KIF26B: variants seen among roughly 807,000 people sequenced by gnomAD.
The protein encoded by KIF26B is kinesin family member 26B.
A neutral mutation model predicts 151.2 loss-of-function variants in KIF26B; 63 were observed. The ratio of observed to expected loss-of-function variants is 0.42; its 90% CI spans 0.34 to 0.51. KIF26B has a LOEUF of 0.51. Among genes scored for constraint, KIF26B ranks in the 20% least tolerant of loss-of-function variants. KIF26B has a pLI of 0.07. For missense variants in KIF26B, 2,813 were observed against 2,913.6 expected, an observed-to-expected ratio of 0.97 and a Z score of 0.79; for synonymous variants, 1,357 against 1,262.1, an observed-to-expected ratio of 1.08 and a Z score of -1.59.
intron 10 of KIF26B, among the ~76,000 whole-genome samples, chr1:245,665,559 AT>A (rs2147936896): frequency 6.6e-6 from 1 of 152,334 alleles, no homozygotes; most frequent in African/African-American, 2.4e-5. Context: ...CTCTCAGTTT[AT>A]GTAAATTTTA....
chr1:245,412,390 C>T (rs986142395), intron 3 of KIF26B, among the ~76,000 whole-genome samples: 5 of 152,168 alleles, frequency 3.3e-5, no homozygotes, highest in Non-Finnish European at 7.3e-5. Flanking sequence ...GAAGCAATTG[C>T]TCTCCGTAGA....
chr1:245,156,241 G>A (rs1558327373), intron 1 of KIF26B, 41 bp from the exon 2 acceptor site: 2 of 1,534,020 alleles, frequency 1.3e-6, no homozygotes, highest in Non-Finnish European at 1.8e-6. Context: ...GCTGCAGCCC[G>A]CCGCCTTGCA....
intron 2 of KIF26B, among the ~76,000 whole-genome samples, chr1:245,179,204 C>T (rs572906042): frequency 2.6e-5 from 4 of 152,270 alleles, no homozygotes; most frequent in Admixed American, 1.3e-4. Flanking sequence ...TGAAATTCTC[C>T]AGAGAATGCT....
At position 245,670,228 on chromosome 1, in the gene KIF26B, G is replaced by A. The variant is rs569611019; in HGVS notation, c.2259-14005G>A. 2.3e-4 allele frequency among the ~76,000 whole-genome samples: 32 copies of A among 137,008 alleles called. No individual in the cohort carries two copies. The East Asian group carries it at 5.5e-3, about 24-fold the overall frequency. 89.9% of individuals were successfully genotyped at this position (137,008 alleles called of 152,430 possible). A position where few individuals can be genotyped will look rare whatever the true frequency, so the allele number is the denominator to read the frequency against. ...AAAAAAGGCTGAATAATATTCCATC[G>A]TATGCGTGTGTATATCCATATATAT... On this transcript the variant is annotated intron_variant, in intron 10 of 14. Coordinates refer to ENST00000407071, the MANE Select transcript of KIF26B (RefSeq NM_018012.4).
At chr1:245,372,235 T>A (rs1272324812) in intron 3 of KIF26B, among the ~76,000 whole-genome samples, 1 of 152,186 alleles carries the variant, frequency 6.6e-6, no homozygotes, top group Non-Finnish European at 1.5e-5. Flanking sequence ...ATGCTCCTTA[T>A]GAGAATCTAA....
Position 245,703,625 on chromosome 1 carries a change from A to G in KIF26B, c.*1019A>G, listed in dbSNP as rs977201758. ...TTTTTATTCCAAAAAGTCTTGAACG[A>G]AAGCTGGAACCAATTCACCAGAGCC... On this transcript the variant is annotated 3_prime_UTR_variant, in exon 15 of 15. Coordinates refer to ENST00000407071, the MANE Select transcript of KIF26B (RefSeq NM_018012.4). 4 of 152,216 alleles carry G rather than the reference A, an allele frequency of 2.6e-5. No homozygotes were observed. The highest frequency in any genetic ancestry group is 9.6e-5 in the African/African-American group (4 of 41,454). The allele number at this position is 152,216 out of a possible 1,614,324, so 9.4% of individuals were successfully genotyped here.
chr1:245,343,098 A>AAG (rs948098305), intron 2 of KIF26B, among the ~76,000 whole-genome samples: 1 of 151,726 alleles, frequency 6.6e-6, no homozygotes, highest in African/African-American at 2.4e-5. Flanking sequence ...AAAAAAAAAA[A>AAG]AAGAATTTAG....
chr1:245,246,800 A>G (rs12023344), intron 2 of KIF26B, among the ~76,000 whole-genome samples: 18,859 of 151,932 alleles, frequency 0.12, 1,333 homozygotes, highest in East Asian at 0.17. Flanking sequence ...AGAGCTGTGT[A>G]CTGGGTTCTT....
chr1:245,294,181 A>T (rs1434587832), intron 2 of KIF26B, among the ~76,000 whole-genome samples: 1 of 152,154 alleles, frequency 6.6e-6, no homozygotes, highest in Non-Finnish European at 1.5e-5. Context: ...TAGAAATGGA[A>T]GGTGGCACAG....
chr1:245,325,129 A>G (rs546403534), intron 2 of KIF26B, among the ~76,000 whole-genome samples: 67 of 152,044 alleles, frequency 4.4e-4, no homozygotes, highest in Middle Eastern at 3.4e-3. Context: ...AGAAAAAAGA[A>G]AGAAAATGAT....
chr1:245,395,821 G>A (rs1673822708), intron 3 of KIF26B, among the ~76,000 whole-genome samples: 1 of 152,132 alleles, frequency 6.6e-6, no homozygotes, highest in Non-Finnish European at 1.5e-5. Context: ...ATAGGCAAAG[G>A]GCAAAATTTG....
At chr1:245,260,017 G>A (rs1377908302) in intron 2 of KIF26B, among the ~76,000 whole-genome samples, 1 of 152,010 alleles carries the variant, frequency 6.6e-6, no homozygotes, top group Non-Finnish European at 1.5e-5. Flanking sequence ...TAGCATAGTG[G>A]GACAGGATGC....
In KIF26B at chr1:245,686,849, G is replaced by A. The variant is rs1024617185; in HGVS notation, c.3866G>A (p.Ser1289Asn). The A allele has an allele frequency of 6.2e-6, 10 of 1,613,702 alleles. No homozygotes were observed. Among genetic ancestry groups the A allele is most frequent in the Non-Finnish European group, 8.5e-6 (10 of 1,179,852 alleles). ...SSWLSEMSAG[S>N]EGEQSCHSFI... ...TGGCTGAGCGAGATGAGCGCGGGCA[G>A]TGAGGGTGAGCAGTCGTGCCACAGT... is the stretch of plus-strand genomic sequence containing the variant. Residue 1289 changes from serine (S) to asparagine (N), a missense_variant, in exon 12 of 15, where the codon AGT (serine) becomes AAT (asparagine). Coordinates refer to ENST00000407071, the MANE Select transcript of KIF26B (RefSeq NM_018012.4). This position sits in a 1 kb window ranked among gnomAD's most constrained non-coding sequence, Gnocchi z 5.6.
At chr1:245,579,934 G>C (rs1049758827) in intron 5 of KIF26B, among the ~76,000 whole-genome samples, 4 of 152,126 alleles carry the variant, frequency 2.6e-5, no homozygotes, top group African/African-American at 4.8e-5. Context: ...CAGTGGTGGC[G>C]GGCTGGCCCT....
chr1:245,297,132 C>G (rs1671350894), intron 2 of KIF26B, among the ~76,000 whole-genome samples: 1 of 152,148 alleles, frequency 6.6e-6, no homozygotes, highest in African/African-American at 2.4e-5. Context: ...CACCAGAGGT[C>G]AGGAGTTCAA....
chr1:245,268,125 T>C (rs6662002), intron 2 of KIF26B, among the ~76,000 whole-genome samples: 67,114 of 151,650 alleles, frequency 0.44, 15,412 homozygotes, highest in East Asian at 0.59. Flanking sequence ...TGAGCCATGA[T>C]TGCACCACTG....
intron 2 of KIF26B, among the ~76,000 whole-genome samples, chr1:245,332,850 T>C (rs1258824417): frequency 6.6e-6 from 1 of 152,200 alleles, no homozygotes; most frequent in Non-Finnish European, 1.5e-5. Context: ...GGCTTTGCTG[T>C]CGATGGCAGA....
rs375797576 is a variant in KIF26B at position 245,367,302 on chromosome 1, C to T, written c.934C>T (p.His312Tyr). ...CCTCAATTCGGTGGCCATCCAGGCT[C>T]ACCAGTACCTGGATGGCACCTGGTC... ...NILNSVAIQA[H>Y]QYLDGTWSLS... Residue 312 changes from histidine to tyrosine, a missense_variant, in exon 3 of 15, where the codon CAC (histidine) becomes TAC (tyrosine). His to Tyr is a moderately conservative substitution (Grantham distance 83, BLOSUM62 2). Coordinates refer to ENST00000407071, the MANE Select transcript of KIF26B (RefSeq NM_018012.4). This position sits in a 1 kb window ranked among gnomAD's most constrained non-coding sequence, Gnocchi z 4.2. 1 of 1,596,998 alleles carries T rather than the reference C, an allele frequency of 6.3e-7. No homozygotes were observed. The highest frequency in any genetic ancestry group is 8.5e-7 in the Non-Finnish European group (1 of 1,171,950).
intron 4 of KIF26B, among the ~76,000 whole-genome samples, chr1:245,482,585 G>A (rs955990440): frequency 2.0e-5 from 3 of 151,780 alleles, no homozygotes. Flanking sequence ...CATGTGATAT[G>A]TTCCATCTGC....
Sources: gnomAD v4.1 joint callset for allele counts (sites outside exome capture counted in the v4.1 genomes callset) on GRCh38, gnomAD v4.1.1 for gene constraint, Gnocchi (gnomAD v3.1) non-coding constraint, MANE v1.5 for transcripts, NCBI Gene and HGNC (gene_info 2026-07-23, HGNC 2026-07-21) for gene names.